RNLS: variants seen among roughly 807,000 people sequenced by gnomAD.
RNLS encodes the protein renalase, FAD dependent amine oxidase.
In RNLS, 39 loss-of-function variants were observed where a neutral mutation model predicts 39.8. The ratio of observed to expected loss-of-function variants is 0.98; its 90% CI spans 0.76 to 1.28. The LOEUF (loss-of-function observed/expected upper bound fraction) is 1.28. Among genes scored for constraint, RNLS ranks in the 50% most tolerant of loss-of-function variants. RNLS has a pLI of 0.00. For synonymous variants in RNLS, 147 were observed against 150.7 expected (o/e 0.98, Z 0.18); for missense variants, 410 against 413.3 (o/e 0.99, Z 0.07).
intron 6 of RNLS, among the ~76,000 whole-genome samples, chr10:88,306,047 T>G (rs1589507017): frequency 6.6e-6 from 1 of 152,282 alleles, no homozygotes; most frequent in Non-Finnish European, 1.5e-5. Context: ...TATAGTTACA[T>G]GAAAACTGAA....
intron 4 of RNLS, among the ~76,000 whole-genome samples, chr10:88,544,500 A>G (rs933953026): frequency 1.3e-5 from 2 of 152,176 alleles, no homozygotes; most frequent in African/African-American, 4.8e-5. Flanking sequence ...AGTCTGGTGA[A>G]ATTTGGGTAG....
At chr10:88,461,848 C>T (rs2133940947) in intron 4 of RNLS, among the ~76,000 whole-genome samples, 1 of 152,186 alleles carries the variant, frequency 6.6e-6, no homozygotes, top group Admixed American at 6.5e-5. Flanking sequence ...CACAAAGTAA[C>T]AGATAGGATC....
intron 5 of RNLS, among the ~76,000 whole-genome samples, chr10:88,320,577 G>A (rs1446593169): frequency 1.3e-5 from 2 of 148,352 alleles, no homozygotes; most frequent in Non-Finnish European, 3.0e-5. Flanking sequence ...GACAGCCACA[G>A]TCTCAAAACA....
intron 4 of RNLS, among the ~76,000 whole-genome samples, chr10:88,417,445 T>G (rs946779666): frequency 2.6e-5 from 4 of 152,194 alleles, no homozygotes; most frequent in African/African-American, 9.6e-5. Context: ...GAGTCCACAT[T>G]TATGGAGAAT....
At chr10:88,424,334 CA>C (rs1246714928) in intron 4 of RNLS, among the ~76,000 whole-genome samples, 1 of 152,038 alleles carries the variant, frequency 6.6e-6, no homozygotes, top group Non-Finnish European at 1.5e-5. Flanking sequence ...CTGGATGAAG[CA>C]AGGAAAAACT....
At chr10:88,215,937 T>C in the RNLS span, among the ~76,000 whole-genome samples, 2 of 152,060 alleles carry the variant, frequency 1.3e-5, no homozygotes, top group South Asian at 4.1e-4. Context: ...TTACTTCAGG[T>C]GATCTACCCA....
At chr10:88,254,110 TA>T in the RNLS span, among the ~76,000 whole-genome samples, 237 of 152,356 alleles carry the variant, frequency 1.6e-3, 1 homozygote, top group African/African-American at 5.3e-3. Context: ...TCACATTTTT[TA>T]ATGTCCCATT....
chr10:88,550,113 T>G (rs887973641), intron 4 of RNLS, among the ~76,000 whole-genome samples: 1 of 152,204 alleles, frequency 6.6e-6, no homozygotes, highest in Non-Finnish European at 1.5e-5. Flanking sequence ...TCCAAATTTC[T>G]ACTATATTTC....
At chr10:88,262,083 C>A in the RNLS span, among the ~76,000 whole-genome samples, 2 of 152,128 alleles carry the variant, frequency 1.3e-5, no homozygotes, top group East Asian at 3.9e-4. Flanking sequence ...TAGTGAGTAC[C>A]TTCTGGGCAG....
chr10:88,451,430 G>A (rs1394178874), intron 4 of RNLS, among the ~76,000 whole-genome samples: 1 of 152,162 alleles, frequency 6.6e-6, no homozygotes, highest in African/African-American at 2.4e-5. Flanking sequence ...GGTTTTGGAA[G>A]GGACTGGAAC....
Position 88,284,890 on chromosome 10 carries a change from C to T in RNLS, c.*464G>A, listed in dbSNP as rs2132619964. ...AATAAGAATTACACTCTGTTACCTA[C>T]ATTTTGGAAAAATCTTGTTTTGTAT... On this transcript the variant is annotated 3_prime_UTR_variant, in exon 7 of 7. Transcript: ENST00000331772. The T allele has an allele frequency of 5.1e-6, 5 of 985,756 alleles. No homozygotes were observed. Among genetic ancestry groups the T allele is most frequent in the East Asian group, 1.1e-4 (1 of 8,824 alleles). 61.1% of individuals were successfully genotyped at this position (985,756 alleles called of 1,614,324 possible). A position where few individuals can be genotyped will look rare whatever the true frequency, so the allele number is the denominator to read the frequency against.
the RNLS span, among the ~76,000 whole-genome samples, chr10:88,250,888 T>C: frequency 3.3e-5 from 5 of 152,206 alleles, no homozygotes; most frequent in Non-Finnish European, 5.9e-5. Context: ...CTCTTTAACA[T>C]TGTGTATTTA....
chr10:88,431,954 A>G (rs1336063293), intron 4 of RNLS, among the ~76,000 whole-genome samples: 1 of 151,778 alleles, frequency 6.6e-6, no homozygotes, highest in Non-Finnish European at 1.5e-5. Flanking sequence ...GTTGAGTGAA[A>G]TGTTCTATAA....
At chr10:88,318,726 T>C (rs545387380) in intron 5 of RNLS, among the ~76,000 whole-genome samples, 13 of 152,258 alleles carry the variant, frequency 8.5e-5, no homozygotes, top group African/African-American at 2.6e-4. Context: ...CATAGCCACA[T>C]TGCAGCTGGG....
At chr10:88,473,769 A>T (rs79537298) in intron 4 of RNLS, among the ~76,000 whole-genome samples, 2 of 152,146 alleles carry the variant, frequency 1.3e-5, no homozygotes, top group African/African-American at 4.8e-5. Context: ...AGAGGAAGGA[A>T]ACATTGCAAT....
intron 4 of RNLS, among the ~76,000 whole-genome samples, chr10:88,458,168 G>A (rs1167153006): frequency 2.0e-5 from 3 of 152,128 alleles, no homozygotes; most frequent in Non-Finnish European, 4.4e-5. Context: ...CTTCTAGCAG[G>A]ACATGTTAGC....
At chr10:88,178,447 G>C in the RNLS span, among the ~76,000 whole-genome samples, 12 of 152,246 alleles carry the variant, frequency 7.9e-5, no homozygotes, top group African/African-American at 2.9e-4. Flanking sequence ...TGTGAAGTCT[G>C]TGAGGACTCT....
At chr10:88,255,991 G>A in the RNLS span, among the ~76,000 whole-genome samples, 3 of 152,190 alleles carry the variant, frequency 2.0e-5, no homozygotes, top group South Asian at 6.2e-4. Flanking sequence ...TGGGTACACT[G>A]GAGCACAGTT....
intron 4 of RNLS, chr10:88,545,557 GC>G: frequency 4.7e-6 from 2 of 428,112 alleles, no homozygotes; most frequent in Non-Finnish European, 9.4e-6. Context: ...GGAAAAACCT[GC>G]CCCCATGATT....
Sources: gnomAD v4.1 joint callset for allele counts (sites outside exome capture counted in the v4.1 genomes callset) on GRCh38, gnomAD v4.1.1 for gene constraint, MANE v1.5 for transcripts, NCBI Gene and HGNC (gene_info 2026-07-23, HGNC 2026-07-21) for gene names.